The following PARD3 variants were observed in gnomAD, a reference collection of about 807,000 sequenced individuals.
PARD3 encodes par-3 family cell polarity regulator.
Under a neutral mutation model 155.4 loss-of-function variants are expected in PARD3, and 75 were observed. The ratio of observed to expected loss-of-function variants is 0.48; its 90% CI spans 0.40 to 0.58. PARD3 has a LOEUF of 0.58. Among genes scored for constraint, PARD3 ranks in the 20% least tolerant of loss-of-function variants. The pLI is 0.00. For missense variants in PARD3, 1,642 were observed against 1,721.7 expected (o/e 0.95, Z 0.82); for synonymous variants, 576 against 610.5 (o/e 0.94, Z 0.83).
At chr10:34,513,095 A>G in intron 3 of PARD3, among the ~76,000 whole-genome samples, 1 of 152,224 alleles carries the variant, frequency 6.6e-6, no homozygotes, top group East Asian at 1.9e-4. Flanking sequence ...CTTTAAAATT[A>G]AAATTTATTA....
intron 1 of PARD3, among the ~76,000 whole-genome samples, chr10:34,776,363 A>G (rs1839524458): frequency 1.3e-5 from 2 of 152,158 alleles, no homozygotes; most frequent in Admixed American, 6.5e-5. Context: ...ACATACGACA[A>G]TCTGAGAAAG....
rs550803510 is a variant in PARD3 at position 34,475,248 on chromosome 10, T to C, written c.404-4985A>G. Among the ~76,000 whole-genome samples the C allele has an allele frequency of 2.6e-5, 4 of 152,316 alleles. No homozygotes were observed. In the East Asian group the frequency reaches 7.7e-4, roughly 29 times the overall value. ...TTAACACAACTCAATTTTATGAAAA[T>C]TGTATTTTATAAAACAAAGCACATT... On this transcript the variant is annotated intron_variant, in intron 3 of 24. Transcript: ENST00000374788.
In PARD3 at chr10:34,330,570, A is replaced by C. The variant is rs149928883; in HGVS notation, c.2833+547T>G. 5.4e-3 allele frequency among the ~76,000 whole-genome samples: 823 copies of C among 152,272 alleles called. 5 individuals carry two copies. The highest frequency in any genetic ancestry group is 0.019 in the African/African-American group (778 of 41,576). ...TCAATGGAGACATCCTATTTGAGACACTACAAAGTAGTGGTTTTCAAATAT... is the reference window on the plus strand; with the variant it reads ...TCAATGGAGACATCCTATTTGAGACCCTACAAAGTAGTGGTTTTCAAATAT... On this transcript the variant is annotated intron_variant, in intron 19 of 24. Transcript: ENST00000374788.
intron 12 of PARD3, among the ~76,000 whole-genome samples, chr10:34,370,221 G>T (rs968428113): frequency 3.9e-5 from 6 of 152,126 alleles, no homozygotes; most frequent in African/African-American, 1.4e-4. Flanking sequence ...AGCGTAACTA[G>T]AAGTCAGACA....
chr10:34,701,390 G>A (rs748664046), intron 1 of PARD3, among the ~76,000 whole-genome samples: 20 of 145,752 alleles, frequency 1.4e-4, no homozygotes, highest in Non-Finnish European at 2.1e-4. Context: ...AAGCATAATC[G>A]CACAAAGACA....
chr10:34,709,455 T>C (rs1195117031), intron 1 of PARD3, among the ~76,000 whole-genome samples: 1 of 152,118 alleles, frequency 6.6e-6, no homozygotes, highest in Non-Finnish European at 1.5e-5. Flanking sequence ...AACAGGAAAA[T>C]GCAAATCATC....
intron 3 of PARD3, among the ~76,000 whole-genome samples, chr10:34,485,313 G>C (rs2079378645): frequency 6.6e-6 from 1 of 150,992 alleles, no homozygotes; most frequent in Admixed American, 6.6e-5. Context: ...ACTCCAGCCT[G>C]GGAGACAGAG....
intron 1 of PARD3, among the ~76,000 whole-genome samples, chr10:34,735,394 A>G (rs1482476275): frequency 1.3e-5 from 2 of 152,226 alleles, no homozygotes; most frequent in Non-Finnish European, 2.9e-5. Context: ...ATTATGGAAT[A>G]TGCAATAACG....
chr10:34,605,901 C>CTA (rs1218336173), intron 2 of PARD3, among the ~76,000 whole-genome samples: 3 of 72,952 alleles, frequency 4.1e-5, no homozygotes, highest in African/African-American at 1.9e-4. Context: ...TATATATCTC[C>CTA]TATATATATA....
intron 2 of PARD3, among the ~76,000 whole-genome samples, chr10:34,686,513 A>G (rs184217176): frequency 2.6e-5 from 4 of 151,984 alleles, no homozygotes; most frequent in East Asian, 1.9e-4. Context: ...AGGCGGGTGG[A>G]TGAACTGAGA....
chr10:34,139,946 T>C (rs1285537026), intron 22 of PARD3, among the ~76,000 whole-genome samples: 1 of 152,184 alleles, frequency 6.6e-6, no homozygotes, highest in Non-Finnish European at 1.5e-5. Flanking sequence ...CTATACTGAT[T>C]AGCAATTCCA....
intron 20 of PARD3, among the ~76,000 whole-genome samples, chr10:34,313,696 A>G (rs972479056): frequency 2.0e-5 from 3 of 152,182 alleles, no homozygotes; most frequent in African/African-American, 4.8e-5. Context: ...GACCCTCATC[A>G]TATTTAACCA....
Position 34,774,414 on chromosome 10 carries a change from C to T in PARD3, c.120+40462G>A, listed in dbSNP as rs185436538. 3.3e-5 allele frequency among the ~76,000 whole-genome samples: 5 copies of T among 152,310 alleles called. No individual in the cohort carries two copies. In the East Asian group the frequency reaches 9.6e-4, roughly 29 times the overall value. On this transcript the variant is annotated intron_variant, in intron 1 of 24. Coordinates refer to ENST00000374788, the MANE Select transcript of PARD3 (RefSeq NM_001184785.2). ...TTTCTGAGTGCTGCATTACCTTTCA[C>T]AAAGCCTAACCCTGCCAATTTTCCT...
intron 1 of PARD3, among the ~76,000 whole-genome samples, chr10:34,780,561 GA>G (rs1840120311): frequency 6.6e-6 from 1 of 152,120 alleles, no homozygotes; most frequent in Non-Finnish European, 1.5e-5. Context: ...ACAATAGGAG[GA>G]AATCGTGCCC....
At chr10:34,315,311 A>G (rs1047780752) in intron 20 of PARD3, among the ~76,000 whole-genome samples, 2 of 152,208 alleles carry the variant, frequency 1.3e-5, no homozygotes, top group Non-Finnish European at 2.9e-5. Flanking sequence ...AAGCTCTACC[A>G]TAGGCCTTTC....
At chr10:34,512,211 A>T (rs1317756089) in intron 3 of PARD3, among the ~76,000 whole-genome samples, 1 of 152,230 alleles carries the variant, frequency 6.6e-6, no homozygotes, top group African/African-American at 2.4e-5. Context: ...AAGTATTTGG[A>T]TATCCCGTGA....
intron 3 of PARD3, 148 bp downstream of exon 3, chr10:34,516,831 C>T: frequency 1.4e-6 from 1 of 702,702 alleles, no homozygotes; most frequent in Admixed American, 3.0e-5. Context: ...GCCTACTTCT[C>T]TTGCAAAGAA....
chr10:34,581,214 G>A (rs1375895304), intron 2 of PARD3, among the ~76,000 whole-genome samples: 1 of 133,138 alleles, frequency 7.5e-6, no homozygotes, highest in Non-Finnish European at 1.6e-5. Context: ...ATTTATTTTG[G>A]TTATTTTTCT....
chr10:34,712,845 A>G (rs1363427894), intron 1 of PARD3, among the ~76,000 whole-genome samples: 1 of 152,086 alleles, frequency 6.6e-6, no homozygotes, highest in Non-Finnish European at 1.5e-5. Flanking sequence ...GATGGAATCA[A>G]TCGTACCCCA....
Sources: allele counts gnomAD v4.1 joint callset (sites outside exome capture counted in the v4.1 genomes callset), GRCh38; gene constraint gnomAD v4.1.1; transcripts MANE v1.5; gene names NCBI Gene and HGNC (gene_info 2026-07-23, HGNC 2026-07-21).